Variants in ZNF469 observed in about 807,000 individuals in gnomAD.
ZNF469 encodes the protein zinc finger protein 469.
A neutral mutation model predicts 1.0 loss-of-function variants in ZNF469; 1 was observed. That is an observed-to-expected ratio of 1.00 (90% confidence interval 0.35 to 4.73). The LOEUF (loss-of-function observed/expected upper bound fraction) is 4.73, where lower values mean the gene tolerates loss of function less well. ZNF469 is among the 30% of genes most tolerant of loss of function. ZNF469 has a pLI of 0.16. For missense variants in ZNF469, 6,100 were observed against 5,356.3 expected (o/e 1.14, Z -4.33); for synonymous variants, 2,703 against 2,363.4 (o/e 1.14, Z -4.17).
upstream of ZNF469, among the ~76,000 whole-genome samples, chr16:88,380,534 CACGCACTAACACAG>C: frequency 7.5e-6 from 1 of 133,430 alleles, no homozygotes; most frequent in African/African-American, 2.9e-5. Context: ...CACTAACACA[CACGCACTAACACAG>C]ACATGCACTC....
chr16:88,151,403 A>AT, the ZNF469 span, among the ~76,000 whole-genome samples: 1 of 152,230 alleles, frequency 6.6e-6, no homozygotes, highest in Non-Finnish European at 1.5e-5. The surrounding 1 kb of genome is among the most constrained non-coding windows in gnomAD (Gnocchi z 5.4). Context: ...GTGTCAGAGA[A>AT]TGAGTGTTTC....
chr16:88,307,247 C>T, the ZNF469 span, among the ~76,000 whole-genome samples: 1 of 152,238 alleles, frequency 6.6e-6, no homozygotes, highest in Non-Finnish European at 1.5e-5. Context: ...ATCTGTTCTT[C>T]CACTGATGGA....
chr16:88,413,221 G>T (rs1238625789), intron 1 of ZNF469, among the ~76,000 whole-genome samples: 1 of 152,262 alleles, frequency 6.6e-6, no homozygotes, highest in African/African-American at 2.4e-5. Flanking sequence ...TGCACGAGAG[G>T]CCGGGACCAA....
chr16:88,273,494 A>G, the ZNF469 span, among the ~76,000 whole-genome samples: 1 of 152,194 alleles, frequency 6.6e-6, no homozygotes, highest in East Asian at 1.9e-4. Flanking sequence ...AAGCTAAACC[A>G]GAAAATAACA....
At chr16:88,211,401 G>A in the ZNF469 span, among the ~76,000 whole-genome samples, 1 of 152,254 alleles carries the variant, frequency 6.6e-6, no homozygotes, top group Non-Finnish European at 1.5e-5. Flanking sequence ...GCTGGGTCAC[G>A]GACTCTTCAG....
the ZNF469 span, among the ~76,000 whole-genome samples, chr16:88,179,110 C>T: frequency 2.0e-5 from 3 of 152,200 alleles, no homozygotes; most frequent in African/African-American, 4.8e-5. Context: ...CAGTCATTCT[C>T]GGAGTGGGCC....
intron 1 of ZNF469, among the ~76,000 whole-genome samples, chr16:88,389,292 C>T (rs1483886106): frequency 6.6e-6 from 1 of 152,264 alleles, no homozygotes; most frequent in Non-Finnish European, 1.5e-5. Flanking sequence ...TGTCACTCAG[C>T]GTCACATCTT....
At chr16:88,319,508 G>A in the ZNF469 span, among the ~76,000 whole-genome samples, 2 of 152,114 alleles carry the variant, frequency 1.3e-5, no homozygotes, top group Admixed American at 6.5e-5. Flanking sequence ...CTGCTGATGC[G>A]CCCGGGTCCT....
the ZNF469 span, among the ~76,000 whole-genome samples, chr16:88,219,703 G>A: frequency 6.6e-6 from 1 of 152,116 alleles, no homozygotes; most frequent in Non-Finnish European, 1.5e-5. Context: ...CAGGACATAG[G>A]CATGAAATTC....
the ZNF469 span, among the ~76,000 whole-genome samples, chr16:88,140,296 T>G: frequency 1.5e-5 from 2 of 135,234 alleles, no homozygotes; most frequent in Non-Finnish European, 2.9e-5. Flanking sequence ...GAATAAATAT[T>G]TGGAAAGGAA....
At chr16:88,141,869 G>A in the ZNF469 span, among the ~76,000 whole-genome samples, 1 of 152,226 alleles carries the variant, frequency 6.6e-6, no homozygotes, top group African/African-American at 2.4e-5. Flanking sequence ...CTCCAGAAGG[G>A]ACCAGCCCTG....
the ZNF469 span, among the ~76,000 whole-genome samples, chr16:88,231,760 C>T: frequency 1.3e-5 from 2 of 152,220 alleles, no homozygotes; most frequent in African/African-American, 4.8e-5. The surrounding 1 kb of genome is among the most constrained non-coding windows in gnomAD (Gnocchi z 4.5). Context: ...ACCGGGACAA[C>T]CCCGGGCCAC....
chr16:88,259,980 T>A, the ZNF469 span, among the ~76,000 whole-genome samples: 1 of 152,212 alleles, frequency 6.6e-6, no homozygotes, highest in Non-Finnish European at 1.5e-5. The surrounding 1 kb of genome is among the most constrained non-coding windows in gnomAD (Gnocchi z 4.1). Flanking sequence ...TTTTTGTTTT[T>A]TTGTTTTTTT....
chr16:88,343,424 G>A, the ZNF469 span, among the ~76,000 whole-genome samples: 11 of 152,246 alleles, frequency 7.2e-5, no homozygotes, highest in African/African-American at 1.4e-4. Context: ...GCACAGAGCC[G>A]CCCGCCCACA....
At chr16:88,331,239 A>G in the ZNF469 span, among the ~76,000 whole-genome samples, 4 of 147,932 alleles carry the variant, frequency 2.7e-5, no homozygotes, top group South Asian at 2.1e-4. Context: ...CATCACCACC[A>G]TCACCATCGT....
intron 1 of ZNF469, among the ~76,000 whole-genome samples, chr16:88,421,964 T>C (rs1905473412): frequency 6.6e-6 from 1 of 152,008 alleles, no homozygotes. Flanking sequence ...TGTGGATGGA[T>C]GGGTGGGTGG....
In ZNF469 at chr16:88,436,658, C is replaced by A. The variant is rs760948619; in HGVS notation, c.9188C>A (p.Pro3063His). Residue 3063 changes from proline (P) to histidine (H), a missense_variant, in exon 3 of 3, where the codon CCC (proline) becomes CAC (histidine). Transcript: ENST00000565624. ...FEMQDLCFLG[P>H]FEDPVGLPGP... ...ATGCAAGACCTGTGCTTTCTGGGAC[C>A]CTTTGAAGACCCCGTGGGTCTCCCC... 5 of 1,550,330 alleles carry A rather than the reference C, an allele frequency of 3.2e-6. No individual in the cohort carries two copies. Among genetic ancestry groups the A allele is most frequent in the Middle Eastern group, 3.3e-4 (2 of 5,990 alleles).
the ZNF469 span, among the ~76,000 whole-genome samples, chr16:88,270,815 C>T: frequency 7.9e-5 from 12 of 152,378 alleles, no homozygotes; most frequent in East Asian, 1.5e-3. Context: ...GAGGGCTAAC[C>T]GCCAAGAACT....
chr16:88,329,965 C>G, the ZNF469 span, among the ~76,000 whole-genome samples: 347 of 152,350 alleles, frequency 2.3e-3, 1 homozygote, highest in African/African-American at 7.9e-3. Context: ...CTGATGCACT[C>G]TGGGCACAGG....
Sources: gnomAD v4.1 joint callset for allele counts (sites outside exome capture counted in the v4.1 genomes callset) on GRCh38, gnomAD v4.1.1 for gene constraint, Gnocchi (gnomAD v3.1) non-coding constraint, MANE v1.5 for transcripts, NCBI Gene and HGNC (gene_info 2026-07-23, HGNC 2026-07-21) for gene names.